The following SMAP1 variants were observed in gnomAD, a reference collection of about 807,000 sequenced individuals.
The protein encoded by SMAP1 is small ArfGAP 1.
SMAP1 carries 24 observed loss-of-function variants against 58.5 expected under a neutral mutation model. The observed-to-expected ratio is 0.41, with a 90% CI of 0.30 to 0.58. The LOEUF is 0.58. Among genes scored for constraint, SMAP1 ranks in the 20% least tolerant of loss-of-function variants. The pLI, the probability that SMAP1 is intolerant of heterozygous loss-of-function variation, is 0.29. For synonymous variants in SMAP1, 216 were observed against 196.6 expected (o/e 1.10, Z -0.82); for missense variants, 563 against 566.3 (o/e 0.99, Z 0.06).
At chr6:70,699,113 T>G (rs1002100987) in intron 1 of SMAP1, among the ~76,000 whole-genome samples, 23 of 152,194 alleles carry the variant, frequency 1.5e-4, no homozygotes, top group Admixed American at 1.4e-3. Flanking sequence ...TCTGCATTAG[T>G]GGGGACCCAG....
rs568154444 is a variant in SMAP1, at chr6:70,801,826, G to C, written c.576+3089G>C. Among the ~76,000 whole-genome samples, 4 of 152,320 alleles carry C rather than the reference G, an allele frequency of 2.6e-5. No homozygotes were observed. The East Asian group carries it at 7.7e-4, about 29-fold the overall frequency. On this transcript the variant is annotated intron_variant, in intron 6 of 10. Coordinates refer to ENST00000370455, the MANE Select transcript of SMAP1 (RefSeq NM_001044305.3). ...GTTTGTCAAAGATCAGATGGTTGTA[G>C]ATGTGTGGTGTTATTTCTGAGGCTT... is the stretch of plus-strand genomic sequence containing the variant.
In SMAP1 at chr6:70,671,011, T is replaced by C. The variant is rs184712393; in HGVS notation, c.118+2870T>C. Reference sequence around the variant, plus strand: ...TTTAAGAACAGGCAGATGGAACTACTCCTCCTCTCTCCTAGCTGCATTCAT... The same window carrying C: ...TTTAAGAACAGGCAGATGGAACTACCCCTCCTCTCTCCTAGCTGCATTCAT... On this transcript the variant is annotated intron_variant, in intron 1 of 10. Transcript: ENST00000370455. Among the ~76,000 whole-genome samples the C allele has an allele frequency of 3.9e-5, 6 of 152,308 alleles. No homozygotes were observed. In the East Asian group the frequency reaches 5.8e-4, roughly 15 times the overall value.
chr6:70,770,514 G>A (rs1459221283), intron 3 of SMAP1, among the ~76,000 whole-genome samples: 1 of 151,980 alleles, frequency 6.6e-6, no homozygotes, highest in Non-Finnish European at 1.5e-5. Context: ...TTCCATCACT[G>A]ACACCCTTTC....
At chr6:70,850,884 T>G (rs1157010440) in intron 7 of SMAP1, among the ~76,000 whole-genome samples, 2 of 152,098 alleles carry the variant, frequency 1.3e-5, no homozygotes, top group Non-Finnish European at 2.9e-5. Context: ...AGTAGCGCTT[T>G]AAGGAGGTCT....
intron 1 of SMAP1, among the ~76,000 whole-genome samples, chr6:70,701,435 C>G (rs1364488931): frequency 6.6e-6 from 1 of 152,168 alleles, no homozygotes; most frequent in Non-Finnish European, 1.5e-5. Context: ...CGGGACTTGC[C>G]TAGGGATTGC....
chr6:70,785,489 T>A (rs1189535019), intron 4 of SMAP1, among the ~76,000 whole-genome samples: 2 of 152,118 alleles, frequency 1.3e-5, no homozygotes, highest in Non-Finnish European at 2.9e-5. Flanking sequence ...CAAAAAACCC[T>A]TCAAAAAATC....
At chr6:70,708,423 C>CAATGA (rs1767926129) in intron 1 of SMAP1, among the ~76,000 whole-genome samples, 1 of 152,142 alleles carries the variant, frequency 6.6e-6, no homozygotes. Context: ...AAAAATGCTG[C>CAATGA]AATGAACATG....
chr6:70,837,551 C>T (rs965862628), intron 7 of SMAP1, among the ~76,000 whole-genome samples: 1 of 151,870 alleles, frequency 6.6e-6, no homozygotes, highest in African/African-American at 2.4e-5. Context: ...AATATAATGT[C>T]CTGTTTGTTC....
intron 1 of SMAP1, among the ~76,000 whole-genome samples, chr6:70,716,170 C>T (rs944480328): frequency 1.3e-5 from 2 of 152,148 alleles, no homozygotes; most frequent in Non-Finnish European, 2.9e-5. Context: ...GGGAATTGTG[C>T]TGCTGTAAAC....
intron 1 of SMAP1, among the ~76,000 whole-genome samples, chr6:70,695,610 A>G (rs891576091): frequency 1.3e-5 from 2 of 152,222 alleles, no homozygotes; most frequent in African/African-American, 2.4e-5. Context: ...ATGTTGAACT[A>G]TCATTGCATC....
intron 1 of SMAP1, among the ~76,000 whole-genome samples, chr6:70,729,483 G>GTGTGTT (rs1765337034): frequency 6.6e-6 from 1 of 150,826 alleles, no homozygotes; most frequent in African/African-American, 2.4e-5. Context: ...GTGTGTGTGT[G>GTGTGTT]TGTGTGTGTG....
chr6:70,710,123 T>C (rs1767993060), intron 1 of SMAP1, among the ~76,000 whole-genome samples: 1 of 152,172 alleles, frequency 6.6e-6, no homozygotes, highest in African/African-American at 2.4e-5. Context: ...CTGAATACTG[T>C]AGGCAATTGT....
chr6:70,764,129 C>G (rs2149899889), intron 3 of SMAP1, among the ~76,000 whole-genome samples: 1 of 145,042 alleles, frequency 6.9e-6, no homozygotes, highest in East Asian at 2.0e-4. Flanking sequence ...CCAGGCTGTT[C>G]TTCAACTCCC....
intron 2 of SMAP1, among the ~76,000 whole-genome samples, chr6:70,750,911 A>G (rs746813355): frequency 1.4e-4 from 22 of 152,182 alleles, no homozygotes; most frequent in Non-Finnish European, 3.2e-4. Context: ...AACAGGCTGA[A>G]TTTAATGGGA....
intron 7 of SMAP1, among the ~76,000 whole-genome samples, chr6:70,847,814 T>C (rs1403131517): frequency 6.6e-6 from 1 of 152,160 alleles, no homozygotes; most frequent in Non-Finnish European, 1.5e-5. Flanking sequence ...CGGTGAATTC[T>C]GATTAGTTTT....
chr6:70,745,901 G>C (rs1243081922), intron 2 of SMAP1, among the ~76,000 whole-genome samples: 1 of 152,172 alleles, frequency 6.6e-6, no homozygotes, highest in Non-Finnish European at 1.5e-5. Flanking sequence ...TCCCTTGTAA[G>C]TTGGATTCCC....
intron 1 of SMAP1, among the ~76,000 whole-genome samples, chr6:70,686,437 G>A (rs929787780): frequency 1.3e-5 from 2 of 152,148 alleles, no homozygotes; most frequent in Admixed American, 1.3e-4. Flanking sequence ...GGTGTAAATG[G>A]CCCTTGAAAT....
chr6:70,690,920 A>G (rs1429956275), intron 1 of SMAP1, among the ~76,000 whole-genome samples: 3 of 150,160 alleles, frequency 2.0e-5, no homozygotes, highest in African/African-American at 7.4e-5. Context: ...TAGAACTGAC[A>G]CTATTCCTTA....
At chr6:70,678,420 G>A (rs1424932982) in intron 1 of SMAP1, among the ~76,000 whole-genome samples, 1 of 152,142 alleles carries the variant, frequency 6.6e-6, no homozygotes, top group African/African-American at 2.4e-5. Flanking sequence ...TTAGCCTAGG[G>A]CGTTATTTAG....
Sources: allele counts gnomAD v4.1 joint callset (sites outside exome capture counted in the v4.1 genomes callset), GRCh38; gene constraint gnomAD v4.1.1; transcripts MANE v1.5; gene names NCBI Gene and HGNC (gene_info 2026-07-23, HGNC 2026-07-21).